The following CTNNA3 variants were observed in gnomAD, a reference collection of about 807,000 sequenced individuals.
CTNNA3 encodes catenin alpha 3.
CTNNA3 carries 76 observed loss-of-function variants against 95.7 expected under a neutral mutation model. The ratio of observed to expected loss-of-function variants is 0.79; its 90% CI spans 0.66 to 0.96. CTNNA3 has a LOEUF of 0.96. Ranked by LOEUF, CTNNA3 falls within the 40% of genes least tolerant of loss-of-function variation. The pLI is 0.00. For missense variants in CTNNA3, 1,191 were observed against 1,089.8 expected (o/e 1.09, Z -1.31); for synonymous variants, 431 against 374.4 (o/e 1.15, Z -1.74).
At chr10:66,887,491 T>C (rs1194686709) in intron 7 of CTNNA3, among the ~76,000 whole-genome samples, 1 of 152,114 alleles carries the variant, frequency 6.6e-6, no homozygotes, top group East Asian at 1.9e-4. Context: ...TTTTCTTATC[T>C]GCAAAGCAAG....
intron 11 of CTNNA3, among the ~76,000 whole-genome samples, chr10:66,413,772 A>T (rs12268050): frequency 1.3e-5 from 2 of 152,132 alleles, no homozygotes; most frequent in Non-Finnish European, 2.9e-5. Flanking sequence ...TGTCCCACAA[A>T]GGAAAGTGTG....
At chr10:66,940,099 T>C (rs771163600) in intron 7 of CTNNA3, among the ~76,000 whole-genome samples, 1 of 152,214 alleles carries the variant, frequency 6.6e-6, no homozygotes, top group Non-Finnish European at 1.5e-5. Flanking sequence ...TACTGGAATC[T>C]GCTTGGTCCA....
chr10:67,742,532 G>GC (rs1204749016), intron 1 of CTNNA3, among the ~76,000 whole-genome samples: 1 of 151,006 alleles, frequency 6.6e-6, no homozygotes, highest in Non-Finnish European at 1.5e-5. Flanking sequence ...AGCACTAAAT[G>GC]CCCACAAGAG....
intron 7 of CTNNA3, among the ~76,000 whole-genome samples, chr10:66,851,979 A>G (rs1460687339): frequency 5.9e-5 from 9 of 152,134 alleles, no homozygotes; most frequent in Non-Finnish European, 2.9e-5. Flanking sequence ...ATCAAAGACA[A>G]CAATGGGATG....
At chr10:65,946,418 T>A (rs1488919694) in intron 17 of CTNNA3, among the ~76,000 whole-genome samples, 1 of 151,652 alleles carries the variant, frequency 6.6e-6, no homozygotes, top group East Asian at 1.9e-4. Context: ...TCTGTCTCTG[T>A]CTCTGTTTCT....
chr10:67,735,163 A>C (rs1258631598), intron 1 of CTNNA3, among the ~76,000 whole-genome samples: 1 of 151,696 alleles, frequency 6.6e-6, no homozygotes, highest in African/African-American at 2.4e-5. Context: ...ACACACACAC[A>C]CACACACACA....
At chr10:67,031,028 T>C (rs1368752978) in intron 7 of CTNNA3, among the ~76,000 whole-genome samples, 1 of 151,932 alleles carries the variant, frequency 6.6e-6, no homozygotes. Flanking sequence ...AATAAATAAA[T>C]AACTTAGCTG....
At chr10:66,759,232 T>C (rs1839499622) in intron 9 of CTNNA3, among the ~76,000 whole-genome samples, 2 of 152,192 alleles carry the variant, frequency 1.3e-5, no homozygotes, top group Admixed American at 6.5e-5. Flanking sequence ...AAATGTTTCC[T>C]GAACGATGAT....
intron 7 of CTNNA3, among the ~76,000 whole-genome samples, chr10:67,021,619 A>G (rs1853021479): frequency 6.6e-6 from 1 of 152,132 alleles, no homozygotes; most frequent in Non-Finnish European, 1.5e-5. Flanking sequence ...TAAAAATGGA[A>G]TAAAATTGTA....
At chr10:67,581,400 G>C (rs1259006219) in intron 3 of CTNNA3, among the ~76,000 whole-genome samples, 1 of 151,976 alleles carries the variant, frequency 6.6e-6, no homozygotes, top group East Asian at 1.9e-4. Flanking sequence ...TGAATCCCAG[G>C]GATGAAGCCA....
chr10:66,865,363 A>T (rs1235811629), intron 7 of CTNNA3, among the ~76,000 whole-genome samples: 1 of 152,090 alleles, frequency 6.6e-6, no homozygotes, highest in Non-Finnish European at 1.5e-5. Flanking sequence ...TGTTAAAAAG[A>T]CATAAATATA....
At chr10:67,642,351 C>A (rs886942252) in intron 2 of CTNNA3, among the ~76,000 whole-genome samples, 3 of 151,476 alleles carry the variant, frequency 2.0e-5, no homozygotes, top group African/African-American at 7.3e-5. Context: ...AAAAAAAAAA[C>A]ATTAAAAAGT....
intron 9 of CTNNA3, among the ~76,000 whole-genome samples, chr10:66,678,124 C>T (rs763747454): frequency 1.2e-4 from 19 of 152,084 alleles, no homozygotes; most frequent in African/African-American, 1.9e-4. Flanking sequence ...ACAATGACAA[C>T]AAAATATGCT....
At chr10:67,386,761 AAAGGTAGG>A (rs1395942262) in intron 5 of CTNNA3, among the ~76,000 whole-genome samples, 1 of 152,196 alleles carries the variant, frequency 6.6e-6, no homozygotes, top group Admixed American at 6.5e-5. Flanking sequence ...TGAGAATGAT[AAAGGTAGG>A]AAATAGTGTC....
chr10:66,069,522 T>A (rs1329818507), intron 14 of CTNNA3, 33 bp from the exon 15 acceptor site: 2 of 1,521,668 alleles, frequency 1.3e-6, no homozygotes, highest in Non-Finnish European at 1.8e-6. Flanking sequence ...TTAAAATCAT[T>A]CCACTATGTC....
chr10:67,401,637 G>A (rs1564626675), intron 5 of CTNNA3, among the ~76,000 whole-genome samples: 1 of 152,152 alleles, frequency 6.6e-6, no homozygotes, highest in Admixed American at 6.6e-5. Flanking sequence ...AAAATCGAAG[G>A]TACAGTGCTA....
chr10:66,877,068 T>G (rs1371851668), intron 7 of CTNNA3, among the ~76,000 whole-genome samples: 1 of 152,078 alleles, frequency 6.6e-6, no homozygotes, highest in Non-Finnish European at 1.5e-5. Context: ...CTGCCTGACT[T>G]TCTTACCTCT....
chr10:67,255,336 A>T (rs938236103), intron 5 of CTNNA3, among the ~76,000 whole-genome samples: 10 of 152,134 alleles, frequency 6.6e-5, no homozygotes, highest in South Asian at 2.1e-4. Flanking sequence ...TAATTAATTT[A>T]AAAAACTACA....
intron 13 of CTNNA3, among the ~76,000 whole-genome samples, chr10:66,244,772 G>A (rs2090243098): frequency 6.6e-6 from 1 of 152,110 alleles, no homozygotes; most frequent in South Asian, 2.1e-4. Context: ...AGAAAGATGG[G>A]TACACACAAG....
Sources: gnomAD v4.1 joint callset for allele counts (sites outside exome capture counted in the v4.1 genomes callset) on GRCh38, gnomAD v4.1.1 for gene constraint, MANE v1.5 for transcripts, NCBI Gene and HGNC (gene_info 2026-07-23, HGNC 2026-07-21) for gene names.